The following PCMTD2 variants were observed in gnomAD, a reference collection of about 807,000 sequenced individuals.
PCMTD2 encodes the protein protein-L-isoaspartate O-methyltransferase domain-containing protein 2.
PCMTD2 carries 16 observed loss-of-function variants against 33.4 expected under a neutral mutation model. The ratio of observed to expected loss-of-function variants is 0.48; its 90% CI spans 0.32 to 0.73. The LOEUF (loss-of-function observed/expected upper bound fraction) is 0.73. PCMTD2 is among the 30% of genes least tolerant of loss of function. The probability of loss-of-function intolerance (pLI) is 0.03; values close to 1 mark genes in which losing one functional copy is unlikely to be tolerated. For synonymous variants in PCMTD2, 161 were observed against 160.8 expected, an observed-to-expected ratio of 1.00 and a Z score of -0.01; for missense variants, 374 against 449.9, an observed-to-expected ratio of 0.83 and a Z score of 1.53.
chr20:64,268,029 A>C lies in PCMTD2; in HGVS notation c.706+19A>C. On this transcript the variant is annotated intron_variant, in intron 5 of 5. Coordinates refer to ENST00000308824, the MANE Select transcript of PCMTD2 (RefSeq NM_018257.3). The stretch of plus-strand genomic sequence containing the variant: ...CAGTTACGTAAGTATACCAATCTTT[A>C]CTTATTTTATCTTTTAGATCTTTTC... 6.3e-7 allele frequency: 1 copy of C among 1,584,104 alleles called. No homozygotes were observed. Among genetic ancestry groups the C allele is most frequent in the South Asian group, 1.1e-5 (1 of 88,264 alleles).
intron 5 of PCMTD2, among the ~76,000 whole-genome samples, chr20:64,270,338 C>T (rs1985860623): frequency 8.0e-6 from 1 of 125,246 alleles, no homozygotes; most frequent in South Asian, 2.7e-4. Context: ...GTTGTGTGGA[C>T]GTGCACGGTG....
intron 1 of PCMTD2, 139 bp from the exon 2 acceptor site, chr20:64,259,802 AG>A (rs1985323425): frequency 1.8e-6 from 1 of 562,710 alleles, no homozygotes; most frequent in Non-Finnish European, 3.1e-6. Flanking sequence ...TGGGTGGGGC[AG>A]GGGATGAGGT....
rs560493545 is a variant in PCMTD2 at position 64,268,531 on chromosome 20, C to CT, written c.706+522dup. 6.3e-3 allele frequency among the ~76,000 whole-genome samples: 964 copies of CT among 152,326 alleles called. 23 individuals carry two copies. In the South Asian group the frequency reaches 0.075, roughly 12 times the overall value. ...GTGTTTCACTATTTCAGGATGCAAA[C>CT]TGAGCAAGGAACTGATACCAGGGCC... On this transcript the variant is annotated intron_variant, in intron 5 of 5. Transcript: ENST00000308824.
chr20:64,257,340 A>T lies in PCMTD2; in HGVS notation c.-25+1470A>T, dbSNP rs1035178977. ...TTCTTCATGTGCCCTGGCAGTTCGCATTGTAAGGAGCAGCCAGGTTGTTAT... is the reference window on the plus strand; with the variant it reads ...TTCTTCATGTGCCCTGGCAGTTCGCTTTGTAAGGAGCAGCCAGGTTGTTAT... On this transcript the variant is annotated intron_variant, in intron 1 of 5. Coordinates refer to ENST00000308824, the MANE Select transcript of PCMTD2 (RefSeq NM_018257.3). Among the ~76,000 whole-genome samples the T allele has an allele frequency of 4.6e-5, 7 of 152,208 alleles. No homozygotes were observed. In the East Asian group the frequency reaches 1.3e-3, roughly 29 times the overall value.
At chr20:64,270,466 GGTC>G (rs1393805988) in intron 5 of PCMTD2, among the ~76,000 whole-genome samples, 2 of 150,438 alleles carry the variant, frequency 1.3e-5, no homozygotes, top group Non-Finnish European at 3.0e-5. Context: ...CACAGTGTGA[GGTC>G]GTGTGAATGC....
At position 64,275,176 on chromosome 20, in the gene PCMTD2, T is replaced by A. The variant is rs765563133; in HGVS notation, c.*1576T>A. 6 of 152,226 alleles carry A rather than the reference T, an allele frequency of 3.9e-5. No homozygotes were observed. The highest frequency in any genetic ancestry group is 7.2e-5 in the African/African-American group (3 of 41,468). The allele number at this position is 152,226 out of a possible 1,614,324, so 9.4% of individuals were successfully genotyped here. On this transcript the variant is annotated 3_prime_UTR_variant, in exon 6 of 6. Transcript: ENST00000308824. ...TCTAGATTGGGCAGTTTAAGTCATTTTAAAGAAAGTTAGTTCATAGTTGTT... is the reference window on the plus strand; with the variant it reads ...TCTAGATTGGGCAGTTTAAGTCATTATAAAGAAAGTTAGTTCATAGTTGTT...
intron 5 of PCMTD2, among the ~76,000 whole-genome samples, chr20:64,270,628 A>G (rs1235162321): frequency 1.3e-5 from 2 of 152,196 alleles, no homozygotes; most frequent in African/African-American, 2.4e-5. Context: ...AAGCAGGAAC[A>G]AGTGGAAAGC....
chr20:64,259,685 C>T lies in PCMTD2; in HGVS notation c.-24-257C>T, dbSNP rs1054322586. ...GATTACAGTCATGACCCACCGCACCCGGCCTAAATTTGAATTTCAAATAAA... is the reference window on the plus strand; with the variant it reads ...GATTACAGTCATGACCCACCGCACCTGGCCTAAATTTGAATTTCAAATAAA... On this transcript the variant is annotated intron_variant, in intron 1 of 5. Transcript: ENST00000308824. 2.2e-4 allele frequency: 96 copies of T among 441,388 alleles called. No homozygotes were observed. The Middle Eastern group carries it at 2.4e-3, about 11-fold the overall frequency. 27.3% of individuals were successfully genotyped at this position (441,388 alleles called of 1,614,324 possible). A position where few individuals can be genotyped will look rare whatever the true frequency, so the allele number is the denominator to read the frequency against.
chr20:64,265,354 G>T lies in PCMTD2; in HGVS notation c.507G>T (p.Val169=). The change falls in exon 4 of 6, where the codon GTG becomes GTT. Residue 169 remains valine, a synonymous_variant. Coordinates refer to ENST00000308824, the MANE Select transcript of PCMTD2 (RefSeq NM_018257.3). ...ATCGTGTATACTGTGGGGCTGGCGTGCAGAAAGAGCATGAAGAGTACATGA... is the reference window on the plus strand; with the variant it reads ...ATCGTGTATACTGTGGGGCTGGCGTTCAGAAAGAGCATGAAGAGTACATGA... The part of the protein sequence containing the change: ...QYDRVYCGAG[V]QKEHEEYMKN... 3 of 1,613,572 alleles carry T rather than the reference G, an allele frequency of 1.9e-6. No homozygotes were observed. The highest frequency in any genetic ancestry group is 2.5e-6 in the Non-Finnish European group (3 of 1,179,822).
rs78030153 is a variant in PCMTD2 at position 64,273,701 on chromosome 20, G to A, written c.*101G>A. ...AGGGTCACCTGGAGGCAGACGTTGT[G>A]GGGAAGGGAACTGCTGGGCTCATCC... On this transcript the variant is annotated 3_prime_UTR_variant, in exon 6 of 6. Coordinates refer to ENST00000308824, the MANE Select transcript of PCMTD2 (RefSeq NM_018257.3). The A allele has an allele frequency of 9.9e-7, 1 of 1,013,724 alleles. No homozygotes were observed. The highest frequency in any genetic ancestry group is 2.5e-5 in the East Asian group (1 of 40,226). The allele number at this position is 1,013,724 out of a possible 1,614,324, so 62.8% of individuals were successfully genotyped here.
At chr20:64,261,632 A>G (rs970473382) in intron 2 of PCMTD2, among the ~76,000 whole-genome samples, 2 of 151,842 alleles carry the variant, frequency 1.3e-5, no homozygotes, top group African/African-American at 4.8e-5. Context: ...TATAAATTGG[A>G]ATTTGGTGAA....
chr20:64,268,144 T>TGTGCAGGCCTTTCTGACTTTGGTA, intron 5 of PCMTD2, 134 bp downstream of exon 5: 54 of 567,820 alleles, frequency 9.5e-5, no homozygotes, highest in Middle Eastern at 6.7e-4. Context: ...TGTAAAATTC[T>TGTGCAGGCCTTTCTGACTTTGGTA]ACAAGCAATT....
chr20:64,267,928 C>A lies in PCMTD2; in HGVS notation c.624C>A (p.Thr208=). Residue 208 remains threonine, a synonymous_variant, in exon 5 of 6, where the codon ACC becomes ACA. Coordinates refer to ENST00000308824, the MANE Select transcript of PCMTD2 (RefSeq NM_018257.3). The part of the protein sequence containing the change: ...ITRTGPSAWE[T]KKILAVSFAP... ...GCACAGGTCCTTCAGCTTGGGAAAC[C>A]AAAAAGATTCTTGCTGTTTCTTTTG... 1 of 1,613,290 alleles carries A rather than the reference C, an allele frequency of 6.2e-7. No homozygotes were observed. Among genetic ancestry groups the A allele is most frequent in the Non-Finnish European group, 8.5e-7 (1 of 1,179,316 alleles).
chr20:64,273,813 A>T lies in PCMTD2; in HGVS notation c.*213A>T, dbSNP rs1247071318. ...GTTTACATAGTTCCACAAGACCTTCATTGCATAGAAGATTGTTTTCCCAAA... is the reference window on the plus strand; with the variant it reads ...GTTTACATAGTTCCACAAGACCTTCTTTGCATAGAAGATTGTTTTCCCAAA... On this transcript the variant is annotated 3_prime_UTR_variant, in exon 6 of 6. Coordinates refer to ENST00000308824, the MANE Select transcript of PCMTD2 (RefSeq NM_018257.3). The T allele has an allele frequency of 9.4e-6, 4 of 425,050 alleles. No homozygotes were observed. The highest frequency in any genetic ancestry group is 8.1e-5 in the African/African-American group (4 of 49,168). The allele number at this position is 425,050 out of a possible 1,614,324, so 26.3% of individuals were successfully genotyped here. A position where few individuals can be genotyped will look rare whatever the true frequency, so the allele number is the denominator to read the frequency against.
chr20:64,265,243 A>G lies in PCMTD2; in HGVS notation c.411-15A>G. 1.9e-6 allele frequency: 3 copies of G among 1,582,912 alleles called. No homozygotes were observed. Among genetic ancestry groups the G allele is most frequent in the Non-Finnish European group, 2.6e-6 (3 of 1,164,324 alleles). On this transcript the variant is annotated splice_polypyrimidine_tract_variant and intron_variant, in intron 3 of 5. Transcript: ENST00000308824. ...TGTGATACTTTTAGTTGCAGGAAGC[A>G]TTTTTTACTTCCAGGTTTGACTTCT...
intron 4 of PCMTD2, among the ~76,000 whole-genome samples, chr20:64,266,815 A>G (rs962835220): frequency 1.3e-5 from 2 of 152,230 alleles, no homozygotes; most frequent in Non-Finnish European, 2.9e-5. Context: ...ACAATGTTTC[A>G]TCTGCTTATC....
At chr20:64,265,081 A>G (rs1445954629) in intron 3 of PCMTD2, among the ~76,000 whole-genome samples, 177 bp from the exon 4 acceptor site, 1 of 152,248 alleles carries the variant, frequency 6.6e-6, no homozygotes, top group Non-Finnish European at 1.5e-5. Flanking sequence ...CTAGTTATAT[A>G]GTATAATTCT....
chr20:64,273,347 AACGAAGGAGAGT>A lies in PCMTD2; in HGVS notation c.834_845del (p.Lys278_Val282delinsAsn). Reference sequence around the variant, plus strand: ...GGACTAAAGAACACCCCCAGGTTTAAACGAAGGAGAGTTCGCCGCCGTCGAATGGAAACGATT... The same window carrying A: ...GGACTAAAGAACACCCCCAGGTTTAATCGCCGCCGTCGAATGGAAACGATT... On this transcript the variant is annotated inframe_deletion, in exon 6 of 6. Coordinates refer to ENST00000308824, the MANE Select transcript of PCMTD2 (RefSeq NM_018257.3). 1 of 1,614,226 alleles carries A rather than the reference AACGAAGGAGAGT, an allele frequency of 6.2e-7. No individual in the cohort carries two copies. The highest frequency in any genetic ancestry group is 8.5e-7 in the Non-Finnish European group (1 of 1,180,024).
chr20:64,270,290 G>A (rs573234542), intron 5 of PCMTD2, among the ~76,000 whole-genome samples: 3 of 148,054 alleles, frequency 2.0e-5, no homozygotes, highest in African/African-American at 2.5e-5. Context: ...ATGTGAGTGC[G>A]GATGTGCACA....
Sources: gnomAD v4.1 joint callset for allele counts (sites outside exome capture counted in the v4.1 genomes callset) on GRCh38, gnomAD v4.1.1 for gene constraint, MANE v1.5 for transcripts, NCBI Gene and HGNC (gene_info 2026-07-23, HGNC 2026-07-21) for gene names.